The following LMBRD1 variants were observed in gnomAD, a reference collection of about 807,000 sequenced individuals.
LMBRD1 encodes LMBR1 domain containing 1.
In LMBRD1, 64 loss-of-function variants were observed where a neutral mutation model predicts 74.8. The ratio of observed to expected loss-of-function variants is 0.86; its 90% CI spans 0.70 to 1.05. The LOEUF is 1.05. Ranked by LOEUF, LMBRD1 falls within the 50% of genes least tolerant of loss-of-function variation. The pLI is 0.00. For synonymous variants in LMBRD1, 204 were observed against 216.3 expected (o/e 0.94, Z 0.50); for missense variants, 652 against 645.9 (o/e 1.01, Z -0.10).
intron 3 of LMBRD1, among the ~76,000 whole-genome samples, chr6:69,774,968 A>AGGAAGGAAGGAG (rs1765660141): frequency 2.6e-5 from 1 of 38,646 alleles, no homozygotes; most frequent in Non-Finnish European, 5.5e-5. Flanking sequence ...GAAGGAAGGA[A>AGGAAGGAAGGAG]GGAAGGAAGG....
intron 14 of LMBRD1, among the ~76,000 whole-genome samples, chr6:69,677,246 G>T (rs988378751): frequency 2.0e-5 from 3 of 152,136 alleles, no homozygotes; most frequent in African/African-American, 7.2e-5. Flanking sequence ...TGTATGTTCA[G>T]ATTCTTCCTG....
rs531789002 is a variant in LMBRD1, at chr6:69,721,638, C to T, written c.637-2557G>A. Among the ~76,000 whole-genome samples, 21 of 152,266 alleles carry T rather than the reference C, an allele frequency of 1.4e-4. No homozygotes were observed. The South Asian group carries it at 3.9e-3, about 29-fold the overall frequency. On this transcript the variant is annotated intron_variant, in intron 7 of 15. Transcript: ENST00000649934. ...GGCTTCAGGGGTGATCCAGCACATT[C>T]CCAGCTATGGTGGCTGTGGTAAAAG... is the stretch of plus-strand genomic sequence containing the variant.
At chr6:69,737,888 T>TA (rs140172531) in intron 7 of LMBRD1, 54 bp downstream of exon 7, 15 of 1,109,148 alleles carry the variant, frequency 1.4e-5, no homozygotes, top group Admixed American at 1.8e-5. Context: ...ATTACTAAGG[T>TA]AAAAAAATTG....
At chr6:69,700,351 T>C (rs1213042341) in intron 12 of LMBRD1, among the ~76,000 whole-genome samples, 2 of 151,868 alleles carry the variant, frequency 1.3e-5, no homozygotes, top group East Asian at 3.8e-4. Context: ...CTTCAGTGTA[T>C]CTATTATATT....
intron 3 of LMBRD1, among the ~76,000 whole-genome samples, chr6:69,778,300 T>C (rs1179975458): frequency 2.0e-5 from 3 of 152,230 alleles, no homozygotes; most frequent in Non-Finnish European, 2.9e-5. Context: ...TTGTAATGAT[T>C]AACTTATCAC....
At chr6:69,739,707 T>C (rs566802765) in intron 6 of LMBRD1, among the ~76,000 whole-genome samples, 1 of 152,330 alleles carries the variant, frequency 6.6e-6, no homozygotes, top group East Asian at 1.9e-4. Context: ...AAAAAATTGC[T>C]GGAGTGATGG....
intron 6 of LMBRD1, among the ~76,000 whole-genome samples, chr6:69,740,634 C>T (rs1297353891): frequency 1.3e-5 from 2 of 152,158 alleles, no homozygotes; most frequent in Non-Finnish European, 2.9e-5. Flanking sequence ...AGAACTCATA[C>T]AGCAGACTGC....
At chr6:69,785,632 C>A (rs1383004362) in intron 2 of LMBRD1, among the ~76,000 whole-genome samples, 1 of 152,188 alleles carries the variant, frequency 6.6e-6, no homozygotes, top group Non-Finnish European at 1.5e-5. Context: ...ATCAGCAGAT[C>A]CCAGCAGCTC....
intron 2 of LMBRD1, among the ~76,000 whole-genome samples, chr6:69,786,174 C>T (rs985860187): frequency 2.6e-5 from 4 of 152,232 alleles, no homozygotes; most frequent in Non-Finnish European, 5.9e-5. Context: ...ATCTCCAGTA[C>T]CTACAATTGT....
At chr6:69,708,234 G>A (rs11967736) in intron 9 of LMBRD1, among the ~76,000 whole-genome samples, 16,907 of 152,040 alleles carry the variant, frequency 0.11, 2,633 homozygotes, top group African/African-American at 0.35. Flanking sequence ...TATAAAGGCT[G>A]TTTTAAAGAG....
chr6:69,710,097 C>T (rs900872132), intron 9 of LMBRD1, among the ~76,000 whole-genome samples: 4 of 150,400 alleles, frequency 2.7e-5, no homozygotes, highest in African/African-American at 9.7e-5. Context: ...ATAATTTATA[C>T]TACCTAACTT....
chr6:69,764,610 A>G (rs1261038975), intron 3 of LMBRD1, among the ~76,000 whole-genome samples: 1 of 152,180 alleles, frequency 6.6e-6, no homozygotes, highest in Admixed American at 6.5e-5. Flanking sequence ...TGGGTTTTTA[A>G]GCCATTCATA....
chr6:69,698,432 A>C (rs1478440247), intron 13 of LMBRD1, among the ~76,000 whole-genome samples: 1 of 151,988 alleles, frequency 6.6e-6, no homozygotes, highest in Non-Finnish European at 1.5e-5. Context: ...TAAGAAGTAG[A>C]GCAAAAGGTA....
intron 9 of LMBRD1, among the ~76,000 whole-genome samples, chr6:69,713,150 G>C (rs1343634639): frequency 2.6e-5 from 4 of 152,008 alleles, no homozygotes; most frequent in Non-Finnish European, 4.4e-5. Context: ...ATTTATTTTT[G>C]ATAAGCGTAC....
intron 3 of LMBRD1, among the ~76,000 whole-genome samples, chr6:69,776,687 T>C (rs1340371423): frequency 6.6e-6 from 1 of 152,188 alleles, no homozygotes; most frequent in East Asian, 1.9e-4. Context: ...TCATTGCACA[T>C]GCACGAGACA....
Position 69,707,721 on chromosome 6 carries a change from T to A in LMBRD1, c.916-5768A>T, listed in dbSNP as rs866040564. On this transcript the variant is annotated intron_variant, in intron 9 of 15. Coordinates refer to ENST00000649934, the MANE Select transcript of LMBRD1 (RefSeq NM_018368.4). Reference sequence around the variant, plus strand: ...ATGGACATATTTAGTCTCAATAATATCTTACTGTTAGATAATTTTGTGTAT... The same window carrying A: ...ATGGACATATTTAGTCTCAATAATAACTTACTGTTAGATAATTTTGTGTAT... Among the ~76,000 whole-genome samples the A allele has an allele frequency of 1.6e-4, 24 of 152,320 alleles. 1 individual carries two copies. Among genetic ancestry groups the A allele is most frequent in the African/African-American group, 5.5e-4 (23 of 41,580 alleles).
chr6:69,698,028 T>C (rs1050524316), intron 13 of LMBRD1, among the ~76,000 whole-genome samples: 2 of 152,008 alleles, frequency 1.3e-5, no homozygotes, highest in African/African-American at 2.4e-5. Context: ...AAGCATGACC[T>C]AGTGAGGTAG....
chr6:69,758,347 A>C (rs1765309358), intron 3 of LMBRD1, among the ~76,000 whole-genome samples: 1 of 152,126 alleles, frequency 6.6e-6, no homozygotes, highest in South Asian at 2.1e-4. Flanking sequence ...GGGAATTCTA[A>C]AAGCCTTCTA....
intron 13 of LMBRD1, among the ~76,000 whole-genome samples, chr6:69,698,324 T>TA (rs777001295): frequency 4.6e-5 from 7 of 151,876 alleles, no homozygotes; most frequent in Non-Finnish European, 1.0e-4. Context: ...AAGAACAGGA[T>TA]AAAAAAGAAA....
Sources: gnomAD v4.1 joint callset for allele counts (sites outside exome capture counted in the v4.1 genomes callset) on GRCh38, gnomAD v4.1.1 for gene constraint, MANE v1.5 for transcripts, NCBI Gene and HGNC (gene_info 2026-07-23, HGNC 2026-07-21) for gene names.